The following ZNF268 variants were observed in gnomAD, a reference collection of about 807,000 sequenced individuals.
ZNF268 encodes the protein zinc finger protein 3.
Under a neutral mutation model 29.3 loss-of-function variants are expected in ZNF268, and 20 were observed. That is an observed-to-expected ratio of 0.68 (90% CI 0.48 to 0.99). ZNF268 has a LOEUF of 0.99. Among genes scored for constraint, ZNF268 ranks in the 50% least tolerant of loss-of-function variants. The probability of loss-of-function intolerance (pLI) is 0.00; values close to 1 mark genes in which losing one functional copy is unlikely to be tolerated. For missense variants in ZNF268, 1,240 were observed against 1,121.6 expected (o/e 1.11, Z -1.51); for synonymous variants, 429 against 376.9 (o/e 1.14, Z -1.60).
rs991494659 is a variant in ZNF268 at position 133,190,021 on chromosome 12, G to A, written c.235-1468G>A. On this transcript the variant is annotated intron_variant, in intron 3 of 5. Coordinates refer to ENST00000536435, the MANE Select transcript of ZNF268 (RefSeq NM_003415.3). ...GACGAAGTTTCACCATGTTAGCCAG[G>A]ATGGTCTCGTTCTCCTGACTTTGTG... Among the ~76,000 whole-genome samples the A allele has an allele frequency of 9.9e-5, 15 of 152,036 alleles. 1 individual carries two copies. The highest frequency in any genetic ancestry group is 3.1e-4 in the African/African-American group (13 of 41,378).
intron 2 of ZNF268, among the ~76,000 whole-genome samples, chr12:133,182,431 GGT>G (rs1956199302): frequency 6.6e-6 from 1 of 152,106 alleles, no homozygotes. Context: ...CCCTGGGGCA[GGT>G]GCTAAAAATG....
In ZNF268 at chr12:133,213,456, G is replaced by A. The variant is rs1957014080; in HGVS notation, c.*8926G>A. 1 of 151,840 alleles carries A rather than the reference G, an allele frequency of 6.6e-6. No homozygotes were observed. Among genetic ancestry groups the A allele is most frequent in the South Asian group, 2.1e-4 (1 of 4,824 alleles). 9.4% of individuals were successfully genotyped at this position (151,840 alleles called of 1,614,324 possible). A position where few individuals can be genotyped will look rare whatever the true frequency, so the allele number is the denominator to read the frequency against. ...TCCAGCACTTTGGGAGGCCAAGGTG[G>A]GAGGATCACTTGAGGTCAGGAGTGC... On this transcript the variant is annotated 3_prime_UTR_variant, in exon 6 of 6. Coordinates refer to ENST00000536435, the MANE Select transcript of ZNF268 (RefSeq NM_003415.3).
chr12:133,200,254 C>A (rs535669846), intron 5 of ZNF268, among the ~76,000 whole-genome samples: 2 of 152,200 alleles, frequency 1.3e-5, no homozygotes, highest in Admixed American at 6.5e-5. Flanking sequence ...TTTCAAAGAA[C>A]ATCTTTATTT....
intron 3 of ZNF268, 130 bp from the exon 4 acceptor site, chr12:133,191,359 C>T (rs928854589): frequency 1.0e-6 from 1 of 981,874 alleles, no homozygotes; most frequent in Non-Finnish European, 1.5e-6. Flanking sequence ...ATTTAATGCA[C>T]ATTGATGGAT....
intron 3 of ZNF268, 185 bp downstream of exon 3, chr12:133,188,257 T>A: frequency 1.7e-6 from 1 of 589,150 alleles, no homozygotes; most frequent in Non-Finnish European, 3.0e-6. Context: ...AGCGCAGTGG[T>A]GCAATCATAA....
At chr12:133,185,331 G>A (rs1323249088) in intron 2 of ZNF268, among the ~76,000 whole-genome samples, 1 of 152,182 alleles carries the variant, frequency 6.6e-6, no homozygotes, top group Non-Finnish European at 1.5e-5. Flanking sequence ...GAACATCCAG[G>A]ATGGGAACAG....
In ZNF268 at chr12:133,202,610, ATG is replaced by A. The variant is rs1956781355; in HGVS notation, c.927_928del (p.Cys309TrpfsTer6). On this transcript the variant is annotated frameshift_variant, in exon 6 of 6. Coordinates refer to ENST00000536435, the MANE Select transcript of ZNF268 (RefSeq NM_003415.3). LOFTEE classifies it low-confidence loss of function (END_TRUNC). ...AAGAGAAACCCTATGGTTGTAATGAATGTGGGAAAGACTTCAGTAGTAAATCA... is the reference window on the plus strand; with the variant it reads ...AAGAGAAACCCTATGGTTGTAATGAATGGGAAAGACTTCAGTAGTAAATCA... ...AEEKPYGCNE[C>X]GKDFSSKSYL... 4 of 1,605,420 alleles carry A rather than the reference ATG, an allele frequency of 2.5e-6. No individual in the cohort carries two copies. Among genetic ancestry groups the A allele is most frequent in the Non-Finnish European group, 3.4e-6 (4 of 1,175,398 alleles).
At position 133,210,840 on chromosome 12, in the gene ZNF268, T is replaced by C. The variant is rs757960388; in HGVS notation, c.*6310T>C. The C allele has an allele frequency of 3.3e-5, 15 of 455,986 alleles. 1 individual carries two copies. Among genetic ancestry groups the C allele is most frequent in the South Asian group, 2.2e-4 (14 of 64,570 alleles). The allele number at this position is 455,986 out of a possible 1,614,324, so 28.2% of individuals were successfully genotyped here. ...TCAACCCAGAGGTCTGTGAGCAGAA[T>C]GCAGGTACTGCAAGCAGGCTAGACA... On this transcript the variant is annotated 3_prime_UTR_variant, in exon 6 of 6. Transcript: ENST00000536435.
chr12:133,187,842 G>A (rs777586012), intron 2 of ZNF268, 30 bp from the exon 3 acceptor site: 24 of 1,555,872 alleles, frequency 1.5e-5, no homozygotes, highest in Admixed American at 5.9e-5. Flanking sequence ...AATAATGCTC[G>A]CTAAAGTAAA....
chr12:133,202,721 A>C lies in ZNF268; in HGVS notation c.1035A>C (p.Ser345=). The change falls in exon 6 of 6, where the codon TCA becomes TCC. Residue 345 remains serine (S), a synonymous_variant. Coordinates refer to ENST00000536435, the MANE Select transcript of ZNF268 (RefSeq NM_003415.3). ...GCAGGAAAACATTCAGTTTCCATTC[A>C]CAGCTTGTTATACATCAGAGAATTC... is the stretch of plus-strand genomic sequence containing the variant. The part of the protein sequence containing the change: ...SECRKTFSFH[S]QLVIHQRIHT... The C allele has an allele frequency of 1.2e-6, 2 of 1,611,788 alleles. No homozygotes were observed. Among genetic ancestry groups the C allele is most frequent in the Non-Finnish European group, 1.7e-6 (2 of 1,179,044 alleles).
intron 5 of ZNF268, among the ~76,000 whole-genome samples, chr12:133,196,527 G>A (rs1956603593): frequency 6.6e-6 from 1 of 152,132 alleles, no homozygotes. Context: ...AAGGATGGGT[G>A]TGTTACCAGC....
In ZNF268 at chr12:133,203,289, A is replaced by G. The variant is rs936387895; in HGVS notation, c.1603A>G (p.Lys535Glu). 4 of 1,539,916 alleles carry G rather than the reference A, an allele frequency of 2.6e-6. No homozygotes were observed. Among genetic ancestry groups the G allele is most frequent in the African/African-American group, 2.7e-5 (2 of 73,030 alleles). The change falls in exon 6 of 6, where the codon AAA (lysine) becomes GAA (glutamate). Residue 535 changes from lysine to glutamate, a missense_variant. Around this residue, in one of 3 missense-constraint regions of ZNF268, gnomAD observed 1,177 missense variants for 1,039.6 expected, o/e 1.13. Transcript: ENST00000536435. ...ACTCCATGAATGCAACAATTGTGGGAAAGCCTTCAGTTTTAAATCACAGCT... is the reference window on the plus strand; with the variant it reads ...ACTCCATGAATGCAACAATTGTGGGGAAGCCTTCAGTTTTAAATCACAGCT... ...EKLHECNNCG[K>E]AFSFKSQLII...
chr12:133,182,191 C>T (rs1267377632), intron 2 of ZNF268, among the ~76,000 whole-genome samples, 161 bp downstream of exon 2: 5 of 152,190 alleles, frequency 3.3e-5, no homozygotes, highest in Non-Finnish European at 7.4e-5. Context: ...TCCAGAAATG[C>T]TTCTTGTCAT....
chr12:133,188,029 G>A lies in ZNF268; in HGVS notation c.191G>A (p.Trp64Ter). The change falls in exon 3 of 6, where the codon TGG becomes TAG. Residue 64 changes from tryptophan to a stop codon, truncating the protein, a stop_gained. Coordinates refer to ENST00000536435, the MANE Select transcript of ZNF268 (RefSeq NM_003415.3). LOFTEE classifies it high-confidence loss of function. ...CGCAGAATAGAGAAAGTCCTAGAGT[G>A]GCTGTTTATTTCCCAAGAGCAGCCA... ...KSRRIEKVLE[W>*]LFISQEQPKI... 5 of 1,595,676 alleles carry A rather than the reference G, an allele frequency of 3.1e-6. No individual in the cohort carries two copies. Among genetic ancestry groups the A allele is most frequent in the Non-Finnish European group, 4.3e-6 (5 of 1,170,762 alleles).
rs1956478680 is a variant in ZNF268, at chr12:133,191,631, C to G, written c.361+16C>G. On this transcript the variant is annotated intron_variant, in intron 4 of 5. Coordinates refer to ENST00000536435, the MANE Select transcript of ZNF268 (RefSeq NM_003415.3). ...GTGTCCCTAGGTAAGTGCTGCCTCCCTGAGGAGGAGTGTGCTCGATCTCCA... is the reference window on the plus strand; with the variant it reads ...GTGTCCCTAGGTAAGTGCTGCCTCCGTGAGGAGGAGTGTGCTCGATCTCCA... 3 of 1,613,040 alleles carry G rather than the reference C, an allele frequency of 1.9e-6. No individual in the cohort carries two copies. Among genetic ancestry groups the G allele is most frequent in the Non-Finnish European group, 2.5e-6 (3 of 1,179,420 alleles).
intron 5 of ZNF268, chr12:133,193,416 T>G: frequency 3.1e-6 from 2 of 651,820 alleles, no homozygotes; most frequent in Admixed American, 2.5e-5. Flanking sequence ...CACAGAAATT[T>G]ATTTCTCACA....
chr12:133,202,898 T>A lies in ZNF268; in HGVS notation c.1212T>A (p.Ile404=). ...CTTTTGGTTTAAAATCACAGCTCAT[T>A]ATACATGAAAGAATTCATACAGGAG... The part of the protein sequence containing the change: ...GKAFGLKSQL[I]IHERIHTGEK... Residue 404 remains isoleucine, a synonymous_variant, in exon 6 of 6, where the codon ATT becomes ATA. Coordinates refer to ENST00000536435, the MANE Select transcript of ZNF268 (RefSeq NM_003415.3). 1 of 1,551,078 alleles carries A rather than the reference T, an allele frequency of 6.4e-7. No homozygotes were observed. The highest frequency in any genetic ancestry group is 8.7e-7 in the Non-Finnish European group (1 of 1,151,978).
Position 133,202,201 on chromosome 12 carries a change from T to C in ZNF268, c.515T>C (p.Leu172Pro). ...MDWHQENKDK[L>P]GSTAKSFECT... Reference sequence around the variant, plus strand: ...TGGCATCAGGAAAATAAAGACAAGCTGGGAAGTACGGCAAAAAGCTTTGAA... The same window carrying C: ...TGGCATCAGGAAAATAAAGACAAGCCGGGAAGTACGGCAAAAAGCTTTGAA... The change falls in exon 6 of 6, where the codon CTG becomes CCG. Residue 172 changes from leucine (L) to proline (P), a missense_variant. Leu to Pro is a moderately conservative substitution (Grantham distance 98, BLOSUM62 -3). This residue lies in a region of ZNF268 where 1,177 missense variants were observed against 1,039.6 expected (regional missense o/e 1.13). Coordinates refer to ENST00000536435, the MANE Select transcript of ZNF268 (RefSeq NM_003415.3). 1 of 1,606,928 alleles carries C rather than the reference T, an allele frequency of 6.2e-7. No homozygotes were observed. The highest frequency in any genetic ancestry group is 8.5e-7 in the Non-Finnish European group (1 of 1,176,852).
At chr12:133,184,917 G>A (rs1956270404) in intron 2 of ZNF268, among the ~76,000 whole-genome samples, 1 of 152,038 alleles carries the variant, frequency 6.6e-6, no homozygotes, top group African/African-American at 2.4e-5. Context: ...TGTGTGGTGG[G>A]TCACGCCTGT....
Sources: gnomAD v4.1 joint callset for allele counts (sites outside exome capture counted in the v4.1 genomes callset) on GRCh38, gnomAD v4.1.1 for gene constraint, gnomAD v4.1.1 regional missense constraint, MANE v1.5 for transcripts, NCBI Gene and HGNC (gene_info 2026-07-23, HGNC 2026-07-21) for gene names.